Variants in PCDH11Y observed in about 807,000 individuals in gnomAD.
The protein encoded by PCDH11Y is protocadherin 11 Y-linked, also known as protocadherin-11 Y-linked.
For missense variants in PCDH11Y, 12 were observed against 224.8 expected (o/e 0.05, Z 6.05); for synonymous variants, 9 against 83.6 (o/e 0.11, Z 4.87).
intron 4 of PCDH11Y, among the ~76,000 whole-genome samples, chrY:5,685,892 T>A (rs2053562568): frequency 2.3e-3 from 77 of 33,711 alleles, no homozygotes; most frequent in Non-Finnish European, 4.6e-3. Context: ...CACTTTATTG[T>A]TACATATTTT....
chrY:5,525,827 A>G, intron 3 of PCDH11Y, among the ~76,000 whole-genome samples: 2 of 31,491 alleles, frequency 6.4e-5, no homozygotes, highest in Non-Finnish European at 1.5e-4. Context: ...TTGCATCTAT[A>G]GTACCTTCAT....
chrY:5,445,155 A>G, intron 2 of PCDH11Y, among the ~76,000 whole-genome samples: 1 of 23,737 alleles, frequency 4.2e-5, no homozygotes, highest in African/African-American at 1.7e-4. Context: ...GAGTGTATAC[A>G]TACTTCAAAA....
At chrY:5,400,764 A>G in intron 2 of PCDH11Y, among the ~76,000 whole-genome samples, 1 of 30,478 alleles carries the variant, frequency 3.3e-5, no homozygotes, top group Non-Finnish European at 7.8e-5. Flanking sequence ...AAGTGAAAAT[A>G]AAATAAAATA....
chrY:5,640,180 C>T, intron 4 of PCDH11Y, among the ~76,000 whole-genome samples: 1 of 32,581 alleles, frequency 3.1e-5, no homozygotes, highest in African/African-American at 1.2e-4. Context: ...TTCTAGTTCT[C>T]TTGCTATTTC....
intron 2 of PCDH11Y, among the ~76,000 whole-genome samples, chrY:5,372,597 C>T: frequency 3.2e-5 from 1 of 31,127 alleles, no homozygotes; most frequent in East Asian, 8.7e-4. Flanking sequence ...AGGTAGACAA[C>T]TTTGAAGCAG....
At chrY:5,064,390 A>G (rs2052681387) in intron 1 of PCDH11Y, among the ~76,000 whole-genome samples, 1 of 28,315 alleles carries the variant, frequency 3.5e-5, no homozygotes, top group Non-Finnish European at 8.3e-5. Flanking sequence ...CTTCAATACA[A>G]TGAAGTGAAA....
intron 1 of PCDH11Y, among the ~76,000 whole-genome samples, chrY:5,079,991 C>T: frequency 3.1e-5 from 1 of 32,472 alleles, no homozygotes; most frequent in Non-Finnish European, 7.5e-5. Flanking sequence ...TTTGACAATA[C>T]CGAAGTCATT....
intron 2 of PCDH11Y, among the ~76,000 whole-genome samples, chrY:5,303,199 A>C: frequency 3.1e-5 from 1 of 32,049 alleles, no homozygotes; most frequent in Non-Finnish European, 7.6e-5. Flanking sequence ...CTTTACATTA[A>C]AATTTTGCTC....
intron 2 of PCDH11Y, among the ~76,000 whole-genome samples, chrY:5,110,986 A>G (rs2124638816): frequency 3.0e-5 from 1 of 32,810 alleles, no homozygotes; most frequent in South Asian, 6.7e-4. Context: ...ACCATATTTT[A>G]TTATTATTTT....
intron 4 of PCDH11Y, among the ~76,000 whole-genome samples, chrY:5,599,324 A>T: frequency 3.0e-5 from 1 of 33,074 alleles, no homozygotes; most frequent in Admixed American, 2.8e-4. Flanking sequence ...ATTTATGAAC[A>T]CTTGCATTAT....
At chrY:5,109,024 G>C, downstream of PCDH11Y, among the ~76,000 whole-genome samples, 2 of 32,187 alleles carry the variant, frequency 6.2e-5, no homozygotes, top group Admixed American at 5.8e-4. Flanking sequence ...ATAAATCTAA[G>C]CCACATTCCA....
At chrY:5,325,211 T>G in intron 2 of PCDH11Y, among the ~76,000 whole-genome samples, 1 of 33,130 alleles carries the variant, frequency 3.0e-5, no homozygotes, top group African/African-American at 1.2e-4. Flanking sequence ...ATGTGATGGC[T>G]TCGCTTGGGC....
chrY:5,446,590 G>A, intron 2 of PCDH11Y, among the ~76,000 whole-genome samples: 5 of 33,228 alleles, frequency 1.5e-4, no homozygotes, highest in African/African-American at 5.9e-4. Context: ...ACATATAAAG[G>A]TGAAGACCAT....
At chrY:5,615,201 A>G in intron 4 of PCDH11Y, 1 of 72,189 alleles carries the variant, frequency 1.4e-5, no homozygotes, top group East Asian at 3.6e-4. Context: ...AAAATACTGA[A>G]CATATTTATT....
chrY:5,491,257 T>C, intron 2 of PCDH11Y, among the ~76,000 whole-genome samples: 2 of 32,519 alleles, frequency 6.2e-5, no homozygotes, highest in Non-Finnish European at 1.5e-4. Flanking sequence ...TGCGTGCTTT[T>C]TCTGGCCTGC....
intron 2 of PCDH11Y, among the ~76,000 whole-genome samples, chrY:5,471,270 A>G: frequency 3.1e-5 from 1 of 32,002 alleles, no homozygotes; most frequent in Non-Finnish European, 7.8e-5. Context: ...TAGCAAGCAA[A>G]CACCACTATT....
chrY:5,125,769 G>A (rs2052824698), intron 2 of PCDH11Y, among the ~76,000 whole-genome samples: 1 of 33,431 alleles, frequency 3.0e-5, no homozygotes, highest in African/African-American at 1.2e-4. Context: ...GTGTGTGCAC[G>A]CATGTGCGCG....
intron 2 of PCDH11Y, among the ~76,000 whole-genome samples, chrY:5,275,015 C>G: frequency 3.0e-5 from 1 of 33,337 alleles, no homozygotes. Flanking sequence ...TTAGTATTCA[C>G]TAAAGATTGC....
chrY:5,089,205 A>G (rs369539245), intron 1 of PCDH11Y, among the ~76,000 whole-genome samples: 1 of 32,821 alleles, frequency 3.0e-5, no homozygotes, highest in Non-Finnish European at 7.4e-5. Flanking sequence ...ACCTCCAACA[A>G]AGAAGAATAT....
Sources: gnomAD v4.1 joint callset for allele counts (sites outside exome capture counted in the v4.1 genomes callset) on GRCh38, gnomAD v4.1.1 for gene constraint, MANE v1.5 for transcripts, NCBI Gene and HGNC (gene_info 2026-07-23, HGNC 2026-07-21) for gene names.